The following BLK variants were observed in gnomAD, a reference collection of about 807,000 sequenced individuals.
The protein encoded by BLK is BLK proto-oncogene, Src family tyrosine kinase.
BLK carries 64 observed loss-of-function variants against 61.8 expected under a neutral mutation model. The ratio of observed to expected loss-of-function variants is 1.03; its 90% CI spans 0.85 to 1.27. BLK has a LOEUF of 1.27. BLK is among the 50% of genes most tolerant of loss of function. The probability of loss-of-function intolerance (pLI) is 0.00; values close to 1 mark genes in which losing one functional copy is unlikely to be tolerated. For synonymous variants in BLK, 351 were observed against 272.0 expected (o/e 1.29, Z -2.86); for missense variants, 853 against 660.5 (o/e 1.29, Z -3.19).
chr8:11,540,533 C>A (rs1034405188), intron 1 of BLK, among the ~76,000 whole-genome samples: 19 of 152,054 alleles, frequency 1.2e-4, no homozygotes, highest in African/African-American at 3.9e-4. Flanking sequence ...ATTAAAAGAA[C>A]ATTCCATTTA....
chr8:11,504,463 T>G (rs1798693778), intron 1 of BLK, among the ~76,000 whole-genome samples: 1 of 151,268 alleles, frequency 6.6e-6, no homozygotes, highest in Non-Finnish European at 1.5e-5. Flanking sequence ...CACCCCTTTG[T>G]GGCCAAGGAA....
chr8:11,557,419 G>T (rs1364030273), intron 9 of BLK, among the ~76,000 whole-genome samples: 2 of 152,200 alleles, frequency 1.3e-5, no homozygotes, highest in African/African-American at 2.4e-5. Flanking sequence ...CCCGGTCGGA[G>T]GCTGTGCTGG....
chr8:11,499,116 A>G (rs1435722912), intron 1 of BLK, among the ~76,000 whole-genome samples: 9 of 152,232 alleles, frequency 5.9e-5, no homozygotes, highest in Admixed American at 5.9e-4. Flanking sequence ...GACTACATAT[A>G]TGATGGTGGT....
Position 11,546,554 on chromosome 8 carries a change from C to T in BLK, c.175+451C>T, listed in dbSNP as rs143193411. On this transcript the variant is annotated intron_variant, in intron 3 of 12. Coordinates refer to ENST00000259089, the MANE Select transcript of BLK (RefSeq NM_001715.3). ...CCGCTGCTGACCACCTAACCACCCA[C>T]GCCCCTACCTGGTCCCCAGACTCCA... is the stretch of plus-strand genomic sequence containing the variant. 4.4e-3 allele frequency among the ~76,000 whole-genome samples: 671 copies of T among 152,198 alleles called. 6 individuals carry two copies. Among genetic ancestry groups the T allele is most frequent in the South Asian group, 7.7e-3 (37 of 4,812 alleles).
chr8:11,526,444 C>G (rs1675099005), intron 1 of BLK, among the ~76,000 whole-genome samples: 2 of 152,180 alleles, frequency 1.3e-5, no homozygotes, highest in South Asian at 2.1e-4. Flanking sequence ...TCTGGCTGGA[C>G]TTGGTGGCTC....
chr8:11,535,821 G>T (rs1035785660), intron 1 of BLK, among the ~76,000 whole-genome samples: 7 of 152,210 alleles, frequency 4.6e-5, no homozygotes, highest in African/African-American at 1.7e-4. Flanking sequence ...ATCTAATGGA[G>T]CCTACAGAGG....
chr8:11,516,603 C>G (rs778713734), intron 1 of BLK, among the ~76,000 whole-genome samples: 1 of 152,190 alleles, frequency 6.6e-6, no homozygotes, highest in African/African-American at 2.4e-5. Flanking sequence ...CAGCCCCCAG[C>G]CCCTGACACC....
intron 1 of BLK, among the ~76,000 whole-genome samples, chr8:11,519,140 G>C (rs1441862775): frequency 3.9e-5 from 6 of 152,212 alleles, no homozygotes; most frequent in Admixed American, 6.5e-5. Flanking sequence ...GGAGCTGCCA[G>C]CTGTGGCCTC....
At chr8:11,519,908 A>C (rs1799373288) in intron 1 of BLK, among the ~76,000 whole-genome samples, 1 of 152,176 alleles carries the variant, frequency 6.6e-6, no homozygotes, top group Non-Finnish European at 1.5e-5. Context: ...ATACACCAAA[A>C]TATTCACAGA....
chr8:11,526,766 T>C lies in BLK; in HGVS notation c.-1-16458T>C, dbSNP rs185961253. Among the ~76,000 whole-genome samples the C allele has an allele frequency of 9.8e-3, 1,485 of 152,302 alleles. 11 individuals carry two copies. Among genetic ancestry groups the C allele is most frequent in the Middle Eastern group, 0.044 (13 of 294 alleles). ...TGTTGTGTTCAGTGCTTATATAATT[T>C]TACTGTGTTTCATCAGTAGGTTAGT... is the stretch of plus-strand genomic sequence containing the variant. On this transcript the variant is annotated intron_variant, in intron 1 of 12. Coordinates refer to ENST00000259089, the MANE Select transcript of BLK (RefSeq NM_001715.3).
intron 1 of BLK, among the ~76,000 whole-genome samples, chr8:11,534,332 G>A (rs1048665719): frequency 6.6e-6 from 1 of 152,132 alleles, no homozygotes; most frequent in African/African-American, 2.4e-5. Context: ...TAACATTTTG[G>A]CATATTGCTA....
At chr8:11,499,554 A>G (rs1349473431) in intron 1 of BLK, among the ~76,000 whole-genome samples, 1 of 152,204 alleles carries the variant, frequency 6.6e-6, no homozygotes, top group Non-Finnish European at 1.5e-5. Context: ...TGAAGGCTGC[A>G]TAAGAAACAG....
intron 1 of BLK, among the ~76,000 whole-genome samples, chr8:11,510,688 T>C (rs953257633): frequency 6.6e-6 from 1 of 151,986 alleles, no homozygotes; most frequent in Non-Finnish European, 1.5e-5. Context: ...TTTGCCTACA[T>C]ACAGAGGTCC....
intron 1 of BLK, among the ~76,000 whole-genome samples, chr8:11,535,551 C>A (rs908705313): frequency 6.6e-6 from 1 of 152,242 alleles, no homozygotes; most frequent in Non-Finnish European, 1.5e-5. Context: ...CCCAGTTTCT[C>A]ATCCTTTGCT....
chr8:11,564,135 C>A lies in BLK; in HGVS notation c.*27C>A, dbSNP rs1038837257. 12 of 1,538,658 alleles carry A rather than the reference C, an allele frequency of 7.8e-6. No individual in the cohort carries two copies. Among genetic ancestry groups the A allele is most frequent in the African/African-American group, 2.7e-5 (2 of 73,148 alleles). ...CGGCCGCGCCCGCCTGCGCCCCGTG[C>A]CCACCTCTGCGCGGACGACCCCGAC... On this transcript the variant is annotated 3_prime_UTR_variant, in exon 13 of 13. Transcript: ENST00000259089.
chr8:11,554,824 G>T lies in BLK; in HGVS notation c.554G>T (p.Gly185Val), dbSNP rs755705290. The T allele has an allele frequency of 3.0e-5, 49 of 1,613,900 alleles. No homozygotes were observed. Among genetic ancestry groups the T allele is most frequent in the Non-Finnish European group, 3.9e-5 (46 of 1,179,988 alleles). ...TATAAGATCCGCTGCCTGGATGAAG[G>T]GGGCTACTACATCTCCCCCCGGATC... ...KHYKIRCLDEGGYYISPRITF... is the reference protein window; with the variant it reads ...KHYKIRCLDEVGYYISPRITF... Residue 185 changes from glycine to valine, a missense_variant, in exon 7 of 13, where the codon GGG (glycine) becomes GTG (valine). Transcript: ENST00000259089.
In BLK at chr8:11,498,839, G is replaced by C. The variant is rs577480277; in HGVS notation, c.-2+4248G>C. Among the ~76,000 whole-genome samples, 5 of 152,294 alleles carry C rather than the reference G, an allele frequency of 3.3e-5. No individual in the cohort carries two copies. In the East Asian group the frequency reaches 9.6e-4, roughly 29 times the overall value. ...TAAATTACAAAGCCCTAATTTTTAG[G>C]TGAGTTGAAGCTGAGGAGCACACAA... is the stretch of plus-strand genomic sequence containing the variant. On this transcript the variant is annotated intron_variant, in intron 1 of 12. Transcript: ENST00000259089.
At chr8:11,505,394 C>T (rs1798730472) in intron 1 of BLK, among the ~76,000 whole-genome samples, 1 of 152,204 alleles carries the variant, frequency 6.6e-6, no homozygotes, top group Non-Finnish European at 1.5e-5. Context: ...CACCCCTTGT[C>T]CCTGAGCACA....
chr8:11,545,315 G>A (rs930441814), intron 2 of BLK, among the ~76,000 whole-genome samples: 9 of 152,178 alleles, frequency 5.9e-5, no homozygotes, highest in South Asian at 2.1e-4. Context: ...TTGGGAGGCC[G>A]AGGTGGGAGG....
Sources: gnomAD v4.1 joint callset for allele counts (sites outside exome capture counted in the v4.1 genomes callset) on GRCh38, gnomAD v4.1.1 for gene constraint, MANE v1.5 for transcripts, NCBI Gene and HGNC (gene_info 2026-07-23, HGNC 2026-07-21) for gene names.